PRKACB: variants seen among roughly 807,000 people sequenced by gnomAD.
The protein encoded by PRKACB is cAMP-dependent protein kinase catalytic subunit beta.
Under a neutral mutation model 51.4 loss-of-function variants are expected in PRKACB, and 16 were observed. That is an observed-to-expected ratio of 0.31 (90% CI 0.21 to 0.47). The LOEUF (loss-of-function observed/expected upper bound fraction) is 0.47. Among genes scored for constraint, PRKACB ranks in the 20% least tolerant of loss-of-function variants. The probability of loss-of-function intolerance (pLI) is 1.00; values close to 1 mark genes in which losing one functional copy is unlikely to be tolerated. For synonymous variants in PRKACB, 147 were observed against 154.4 expected (o/e 0.95, Z 0.35); for missense variants, 309 against 464.5 (o/e 0.67, Z 3.08).
chr1:84,085,813 C>A, intron 1 of PRKACB: 1 of 421,362 alleles, frequency 2.4e-6, no homozygotes, highest in Non-Finnish European at 4.4e-6. Context: ...GGATCGGTGG[C>A]CACCTCTCAC....
intron 8 of PRKACB, among the ~76,000 whole-genome samples, chr1:84,207,068 AT>A (rs1252563334): frequency 3.3e-5 from 5 of 152,230 alleles, no homozygotes. Context: ...AATCATTTTC[AT>A]AAAACACAAA....
intron 8 of PRKACB, among the ~76,000 whole-genome samples, chr1:84,211,012 T>C (rs998602619): frequency 3.3e-5 from 5 of 152,060 alleles, no homozygotes; most frequent in Non-Finnish European, 5.9e-5. Flanking sequence ...GGGCTACCTA[T>C]GAGAATCTCT....
At chr1:84,137,266 TA>T (rs1652923747) in intron 1 of PRKACB, among the ~76,000 whole-genome samples, 1 of 152,202 alleles carries the variant, frequency 6.6e-6, no homozygotes, top group Non-Finnish European at 1.5e-5. Flanking sequence ...GGATAAATTT[TA>T]AATACATATT....
chr1:84,094,925 T>G (rs982291549), intron 1 of PRKACB, among the ~76,000 whole-genome samples: 2 of 152,016 alleles, frequency 1.3e-5, no homozygotes, highest in Admixed American at 6.6e-5. Context: ...ACTACTTCAT[T>G]TTTAATGTAC....
intron 1 of PRKACB, chr1:84,164,375 T>G (rs746390945): frequency 6.4e-6 from 10 of 1,566,190 alleles, no homozygotes; most frequent in Admixed American, 5.6e-5. Context: ...GACGTTTAGG[T>G]GCAATCATTC....
chr1:84,230,949 A>G (rs1306784152), intron 9 of PRKACB, among the ~76,000 whole-genome samples: 1 of 143,146 alleles, frequency 7.0e-6, no homozygotes, highest in Non-Finnish European at 1.5e-5. Flanking sequence ...TGCCCTGGCC[A>G]GAACTTCCAA....
chr1:84,199,060 CGTATATATGCATATATGTAT>C, intron 7 of PRKACB, among the ~76,000 whole-genome samples: 1 of 48,238 alleles, frequency 2.1e-5, no homozygotes, highest in Non-Finnish European at 7.9e-5. Context: ...TATATATATG[CGTATATATGCATATATGTAT>C]ATATATGCGT....
chr1:84,203,161 C>G (rs373511775), intron 8 of PRKACB, among the ~76,000 whole-genome samples: 398 of 151,982 alleles, frequency 2.6e-3, no homozygotes, highest in African/African-American at 9.3e-3. Flanking sequence ...TTTATATGCC[C>G]TTCCATTTTC....
chr1:84,099,019 G>C (rs1649139156), intron 1 of PRKACB, among the ~76,000 whole-genome samples: 1 of 152,026 alleles, frequency 6.6e-6, no homozygotes, highest in South Asian at 2.1e-4. Context: ...AGAATGAAAT[G>C]GGCTAAGGGT....
intron 1 of PRKACB, among the ~76,000 whole-genome samples, chr1:84,139,138 A>G (rs1558004794): frequency 1.3e-5 from 2 of 152,214 alleles, no homozygotes; most frequent in Non-Finnish European, 2.9e-5. Flanking sequence ...TAAGGCAAGA[A>G]TGTTCATTGT....
At chr1:84,226,861 C>T (rs938754849) in intron 9 of PRKACB, among the ~76,000 whole-genome samples, 3 of 152,072 alleles carry the variant, frequency 2.0e-5, no homozygotes, top group Non-Finnish European at 2.9e-5. Flanking sequence ...GTTTTACCAC[C>T]AAATATAAAG....
At chr1:84,089,453 T>C (rs1648281463) in intron 1 of PRKACB, among the ~76,000 whole-genome samples, 1 of 152,138 alleles carries the variant, frequency 6.6e-6, no homozygotes, top group East Asian at 1.9e-4. Context: ...AGTATTATGC[T>C]CCCAACCTTT....
chr1:84,212,120 T>TAG (rs1452679233), intron 8 of PRKACB, among the ~76,000 whole-genome samples: 27 of 152,264 alleles, frequency 1.8e-4, no homozygotes, highest in African/African-American at 6.5e-4. Context: ...TGTTATGATC[T>TAG]TTTACTAGCA....
At chr1:84,190,942 C>G (rs536472797) in intron 5 of PRKACB, among the ~76,000 whole-genome samples, 3 of 152,124 alleles carry the variant, frequency 2.0e-5, no homozygotes, top group African/African-American at 7.2e-5. Context: ...TGAGATGGGT[C>G]TCTTGAAGAT....
chr1:84,144,443 C>T lies in PRKACB; in HGVS notation c.82C>T (p.Arg28Trp), dbSNP rs369569393. Residue 28 changes from arginine (R) to tryptophan (W), a missense_variant, in exon 1 of 10, where the codon CGG becomes TGG. By Grantham distance (101) the Arg-to-Trp change is moderately radical. This residue lies in a region of PRKACB where 153 missense variants were observed against 190.2 expected (regional missense o/e 0.80). Transcript: ENST00000370685. Reference sequence around the variant, plus strand: ...TCAGAAATTGGAAGGTTTTGCTAGCCGGTTATTTCATAGACACTCTAAAGG... The same window carrying T: ...TCAGAAATTGGAAGGTTTTGCTAGCTGGTTATTTCATAGACACTCTAAAGG... Reference protein sequence around the residue: ...ALQKLEGFASRLFHRHSKGTA... With the variant: ...ALQKLEGFASWLFHRHSKGTA... 17 of 1,612,828 alleles carry T rather than the reference C, an allele frequency of 1.1e-5. No individual in the cohort carries two copies. Among genetic ancestry groups the T allele is most frequent in the African/African-American group, 8.0e-5 (6 of 74,792 alleles).
chr1:84,148,584 C>G (rs1414322299), intron 1 of PRKACB, among the ~76,000 whole-genome samples: 1 of 151,994 alleles, frequency 6.6e-6, no homozygotes, highest in Non-Finnish European at 1.5e-5. Context: ...CACAAATGAG[C>G]TTCTTACTAA....
At chr1:84,141,253 T>C (rs1003459029), upstream of PRKACB, among the ~76,000 whole-genome samples, 2 of 152,112 alleles carry the variant, frequency 1.3e-5, no homozygotes, top group African/African-American at 4.8e-5. Flanking sequence ...TAGTGCGAAT[T>C]AAAGTTGTGG....
chr1:84,236,426 G>C lies in PRKACB; in HGVS notation c.*1121G>C, dbSNP rs191904497. ...CTAATTATTGTGGTGTACTATATTT[G>C]TGAGCCTAGGGTAGGGGCACTGCTG... On this transcript the variant is annotated 3_prime_UTR_variant, in exon 10 of 10. Coordinates refer to ENST00000370685, the MANE Select transcript of PRKACB (RefSeq NM_182948.4). 184 of 152,706 alleles carry C rather than the reference G, an allele frequency of 1.2e-3. No individual in the cohort carries two copies. Among genetic ancestry groups the C allele is most frequent in the African/African-American group, 4.3e-3 (178 of 41,552 alleles). 9.5% of individuals were successfully genotyped at this position (152,706 alleles called of 1,614,324 possible).
chr1:84,165,103 C>A, intron 1 of PRKACB: 1 of 1,030,978 alleles, frequency 9.7e-7, no homozygotes. Flanking sequence ...AGTTATAAAG[C>A]CACAGCTACT....
Sources: allele counts gnomAD v4.1 joint callset (sites outside exome capture counted in the v4.1 genomes callset), GRCh38; gene constraint gnomAD v4.1.1; regional missense constraint gnomAD v4.1.1; transcripts MANE v1.5; gene names NCBI Gene and HGNC (gene_info 2026-07-23, HGNC 2026-07-21).